The following NARS1 variants were observed in gnomAD, a reference collection of about 807,000 sequenced individuals.
NARS1 encodes the protein asparagine--tRNA ligase, cytoplasmic.
NARS1 carries 65 observed loss-of-function variants against 79.2 expected under a neutral mutation model. The ratio of observed to expected loss-of-function variants is 0.82; its 90% CI spans 0.67 to 1.01. The LOEUF (loss-of-function observed/expected upper bound fraction) is 1.01. Ranked by LOEUF, NARS1 falls within the 50% of genes least tolerant of loss-of-function variation. NARS1 has a pLI of 0.00. For synonymous variants in NARS1, 229 were observed against 238.8 expected (o/e 0.96, Z 0.38); for missense variants, 649 against 673.8 (o/e 0.96, Z 0.41).
chr18:57,607,619 C>G lies in NARS1; in HGVS notation c.626G>C (p.Gly209Ala). The change falls in exon 8 of 14, where the codon GGG (glycine) becomes GCG (alanine). Residue 209 changes from glycine (G) to alanine (A), a missense_variant. Coordinates refer to ENST00000256854, the MANE Select transcript of NARS1 (RefSeq NM_004539.4). ...ELSCDFWELI[G>A]LAPAGGADNL... ...GTCAGCTCCTCCAGCAGGGGCCAAC[C>G]CAATTAGTTCCCAGAAGTCACAACT... 6.2e-7 allele frequency: 1 copy of G among 1,613,974 alleles called. No individual in the cohort carries two copies. Among genetic ancestry groups the G allele is most frequent in the Non-Finnish European group, 8.5e-7 (1 of 1,180,000 alleles).
chr18:57,614,440 G>T (rs1441367666), intron 4 of NARS1, among the ~76,000 whole-genome samples: 1 of 152,122 alleles, frequency 6.6e-6, no homozygotes, highest in Admixed American at 6.5e-5. Flanking sequence ...GGCGGAGGTT[G>T]CAATGAGCTG....
chr18:57,602,510 T>C (rs780018660), intron 12 of NARS1, 24 bp from the exon 13 acceptor site: 7 of 1,612,680 alleles, frequency 4.3e-6, no homozygotes, highest in Admixed American at 1.7e-5. Context: ...TGAAAGAAGA[T>C]ACACAATTAC....
intron 12 of NARS1, 139 bp downstream of exon 12, chr18:57,602,673 G>C: frequency 7.9e-7 from 1 of 1,270,370 alleles, no homozygotes; most frequent in Non-Finnish European, 1.1e-6. Flanking sequence ...AGGGGAGGGT[G>C]AAAAAACCCA....
chr18:57,612,022 G>A (rs1027836059), intron 5 of NARS1, among the ~76,000 whole-genome samples: 33 of 152,186 alleles, frequency 2.2e-4, no homozygotes, highest in African/African-American at 6.7e-4. Context: ...CTCCCAAAGC[G>A]CTGATATTAC....
Position 57,615,978 on chromosome 18 carries a change from T to G in NARS1, c.94-3A>C, listed in dbSNP as rs1908012873. 7 of 1,593,286 alleles carry G rather than the reference T, an allele frequency of 4.4e-6. No individual in the cohort carries two copies. The highest frequency in any genetic ancestry group is 1.7e-4 in the Middle Eastern group (1 of 5,952). On this transcript the variant is annotated splice_polypyrimidine_tract_variant and splice_region_variant and intron_variant, in intron 2 of 13. Coordinates refer to ENST00000256854, the MANE Select transcript of NARS1 (RefSeq NM_004539.4). ...TCTTTCCCTACTGTCATCAAAGCCT[T>G]GGGTAGGGAGGAGAGAAAAGACAGT...
At position 57,602,955 on chromosome 18, in the gene NARS1, C is replaced by T. The variant is rs1306952493; in HGVS notation, c.1252-12G>A. On this transcript the variant is annotated splice_polypyrimidine_tract_variant and intron_variant, in intron 11 of 13. Coordinates refer to ENST00000256854, the MANE Select transcript of NARS1 (RefSeq NM_004539.4). ...GCTTCTGGGATATCCTGAGGTCAAA[C>T]AAGACTTCATTAACATTTACAACTT... 6.2e-7 allele frequency: 1 copy of T among 1,613,722 alleles called. No individual in the cohort carries two copies. The highest frequency in any genetic ancestry group is 8.5e-7 in the Non-Finnish European group (1 of 1,179,816).
chr18:57,621,763 CGACGCCGTCTTAT>C lies in NARS1; in HGVS notation c.-59_-47del. The C allele has an allele frequency of 6.2e-7, 1 of 1,613,642 alleles. No homozygotes were observed. Among genetic ancestry groups the C allele is most frequent in the Non-Finnish European group, 8.5e-7 (1 of 1,179,958 alleles). ...CCTCCAAGGACACAGACTGCAACAC[CGACGCCGTCTTAT>C]GACTCCAACGTGCACCGGCGGTTTC... On this transcript the variant is annotated 5_prime_UTR_variant, in exon 1 of 14. It removes the in-frame stop codon of an upstream open reading frame in the 5' UTR. Transcript: ENST00000256854.
rs1378905300 is a variant in NARS1 at position 57,601,011 on chromosome 18, A to G, written c.*641T>C. 6.6e-6 allele frequency: 1 copy of G among 152,250 alleles called. No individual in the cohort carries two copies. The highest frequency in any genetic ancestry group is 2.4e-5 in the African/African-American group (1 of 41,470). 9.4% of individuals were successfully genotyped at this position (152,250 alleles called of 1,614,324 possible). On this transcript the variant is annotated 3_prime_UTR_variant, in exon 14 of 14. Coordinates refer to ENST00000256854, the MANE Select transcript of NARS1 (RefSeq NM_004539.4). The stretch of plus-strand genomic sequence containing the variant: ...CTCCCCAAAATTATGTTCTTACTTC[A>G]AATCCTTTAAGGCAATTCTATTTTT...
Position 57,607,264 on chromosome 18 carries a change from C to A in NARS1, c.871G>T (p.Gly291Trp). The A allele has an allele frequency of 6.2e-7, 1 of 1,614,098 alleles. No individual in the cohort carries two copies. The highest frequency in any genetic ancestry group is 1.1e-5 in the South Asian group (1 of 91,060). ...GATLFKLDYF[G>W]EEAFLTQSSQ... ...GATTGAGTCAAAAATGCCTCTTCCC[C>A]AAAATAGTCAAGCTTGAAGAGTGTG... Residue 291 changes from glycine to tryptophan, a missense_variant, in exon 9 of 14, where the codon GGG becomes TGG. By Grantham distance (184) the Gly-to-Trp change is radical (BLOSUM62 -2). Transcript: ENST00000256854.
At chr18:57,619,519 C>T (rs1309867008) in intron 2 of NARS1, among the ~76,000 whole-genome samples, 4 of 151,932 alleles carry the variant, frequency 2.6e-5, no homozygotes, top group Non-Finnish European at 5.9e-5. Context: ...ACGTGAGGCA[C>T]CAAAGCCCAG....
At chr18:57,621,563 T>TTCCCCCCC in intron 1 of NARS1, 145 bp downstream of exon 1, 6 of 300,796 alleles carry the variant, frequency 2.0e-5, no homozygotes, top group South Asian at 7.5e-5. Flanking sequence ...GCCAGCACCC[T>TTCCCCCCC]CCCTCCCTCC....
intron 2 of NARS1, 124 bp from the exon 3 acceptor site, chr18:57,616,099 G>A: frequency 4.6e-6 from 4 of 863,390 alleles, no homozygotes; most frequent in Non-Finnish European, 5.2e-6. Context: ...GCCAAAAGCT[G>A]ATATTGGCAC....
intron 1 of NARS1, among the ~76,000 whole-genome samples, chr18:57,621,505 G>T (rs1488615843): frequency 6.6e-6 from 1 of 152,192 alleles, no homozygotes; most frequent in Non-Finnish European, 1.5e-5. Flanking sequence ...GGGAACGACG[G>T]ACTCGGGGAA....
In NARS1 at chr18:57,621,823, G is replaced by C. The variant is rs1908319423; in HGVS notation, c.-106C>G. The C allele has an allele frequency of 5.7e-6, 9 of 1,584,728 alleles. No homozygotes were observed. The Admixed American group carries it at 1.4e-4, about 25-fold the overall frequency. On this transcript the variant is annotated 5_prime_UTR_variant, in exon 1 of 14. Transcript: ENST00000256854. ...TTTCCGCGATTCCGGCGTTGCATCA[G>C]AGAGCGTAGATCTGAGGGCGCCTGC...
intron 2 of NARS1, 44 bp downstream of exon 2, chr18:57,620,525 A>G: frequency 4.6e-6 from 6 of 1,316,322 alleles, no homozygotes; most frequent in Non-Finnish European, 6.5e-6. Flanking sequence ...GACATAACTC[A>G]TTAATAAATG....
intron 11 of NARS1, among the ~76,000 whole-genome samples, chr18:57,605,379 T>G (rs1355571820): frequency 1.3e-5 from 2 of 150,970 alleles, no homozygotes; most frequent in Admixed American, 1.3e-4. Flanking sequence ...GAGGCTGAGG[T>G]GGGCAGATCA....
chr18:57,605,779 G>T, intron 11 of NARS1, 78 bp downstream of exon 11: 2 of 942,876 alleles, frequency 2.1e-6, no homozygotes, highest in South Asian at 3.0e-5. Context: ...TGCCACCCAT[G>T]TTACTAGTTC....
chr18:57,618,786 G>C (rs11152022), intron 2 of NARS1, among the ~76,000 whole-genome samples: 2 of 151,920 alleles, frequency 1.3e-5, no homozygotes, highest in African/African-American at 4.8e-5. Flanking sequence ...CCTGTGGTCC[G>C]AGCTACTTGG....
At chr18:57,620,685 G>C (rs779274284) in intron 1 of NARS1, 34 bp from the exon 2 acceptor site, 1 of 1,329,932 alleles carries the variant, frequency 7.5e-7, no homozygotes. Context: ...TTATGGTCTG[G>C]CCATTAACTA....
Sources: allele counts gnomAD v4.1 joint callset (sites outside exome capture counted in the v4.1 genomes callset), GRCh38; gene constraint gnomAD v4.1.1; transcripts MANE v1.5; gene names NCBI Gene and HGNC (gene_info 2026-07-23, HGNC 2026-07-21).